EEA1: variants seen among roughly 807,000 people sequenced by gnomAD.
EEA1 encodes early endosome antigen 1, 162kD.
EEA1 carries 111 observed loss-of-function variants against 209.2 expected under a neutral mutation model. The observed-to-expected ratio is 0.53, with a 90% CI of 0.45 to 0.62. The LOEUF (loss-of-function observed/expected upper bound fraction) is 0.62, where lower values mean the gene tolerates loss of function less well. EEA1 is among the 20% of genes least tolerant of loss of function. EEA1 has a pLI of 0.00. For synonymous variants in EEA1, 536 were observed against 540.6 expected, an observed-to-expected ratio of 0.99 and a Z score of 0.12; for missense variants, 1,343 against 1,530.8, an observed-to-expected ratio of 0.88 and a Z score of 2.05.
intron 9 of EEA1, among the ~76,000 whole-genome samples, chr12:92,850,785 T>C (rs1388746344): frequency 2.6e-5 from 4 of 151,840 alleles, no homozygotes; most frequent in African/African-American, 9.7e-5. Flanking sequence ...AATATAATTG[T>C]AGAAAATGCT....
intron 3 of EEA1, among the ~76,000 whole-genome samples, chr12:92,864,123 T>C (rs1031178373): frequency 1.3e-5 from 2 of 152,214 alleles, no homozygotes; most frequent in African/African-American, 4.8e-5. Context: ...AAAATGGCCA[T>C]GTTTTATAGA....
chr12:92,871,680 G>A (rs1410165126), intron 2 of EEA1, among the ~76,000 whole-genome samples: 4 of 152,164 alleles, frequency 2.6e-5, no homozygotes, highest in Non-Finnish European at 5.9e-5. Context: ...TACAAAAGGT[G>A]AAAATCTATC....
intron 21 of EEA1, among the ~76,000 whole-genome samples, chr12:92,790,858 A>G (rs1874370426): frequency 6.6e-6 from 1 of 152,216 alleles, no homozygotes; most frequent in African/African-American, 2.4e-5. Context: ...AAAAAATGTT[A>G]AGGGCAGCCA....
At chr12:92,884,890 G>A (rs192184417) in intron 2 of EEA1, among the ~76,000 whole-genome samples, 140 of 151,456 alleles carry the variant, frequency 9.2e-4, no homozygotes, top group Non-Finnish European at 1.5e-3. Context: ...GTGACTAATT[G>A]TATAACAAGT....
intron 15 of EEA1, among the ~76,000 whole-genome samples, chr12:92,814,641 CCT>C (rs1351717364): frequency 6.6e-6 from 1 of 152,130 alleles, no homozygotes; most frequent in Non-Finnish European, 1.5e-5. Context: ...ATAGCCAGCC[CCT>C]CTGTTTGCCC....
intron 21 of EEA1, among the ~76,000 whole-genome samples, chr12:92,795,505 G>C (rs930290106): frequency 3.9e-5 from 6 of 152,186 alleles, no homozygotes; most frequent in African/African-American, 1.4e-4. Flanking sequence ...ACAAGTGATT[G>C]AATGACAAAT....
intron 22 of EEA1, 140 bp downstream of exon 22, chr12:92,787,727 A>G (rs1874194205): frequency 1.5e-6 from 1 of 662,574 alleles, no homozygotes; most frequent in Admixed American, 4.1e-5. Flanking sequence ...GCATGCTAAT[A>G]CAAAATAACA....
chr12:92,856,679 C>A (rs1032263787), intron 5 of EEA1, among the ~76,000 whole-genome samples: 5 of 151,040 alleles, frequency 3.3e-5, no homozygotes, highest in Admixed American at 2.6e-4. Context: ...ACTGTTTGAA[C>A]CTATTTTTTT....
chr12:92,853,867 T>G, intron 6 of EEA1, 48 bp downstream of exon 6: 4 of 1,543,304 alleles, frequency 2.6e-6, no homozygotes, highest in Non-Finnish European at 3.5e-6. Flanking sequence ...GGAAAACAAA[T>G]AAGAAGAAAA....
rs1319828827 is a variant in EEA1 at position 92,920,349 on chromosome 12, A to C, written c.24+8694T>G. Among the ~76,000 whole-genome samples the C allele has an allele frequency of 1.5e-3, 189 of 128,592 alleles. 1 individual carries two copies. Among genetic ancestry groups the C allele is most frequent in the Non-Finnish European group, 1.8e-3 (111 of 60,226 alleles). 84.4% of individuals were successfully genotyped at this position (128,592 alleles called of 152,430 possible). A position where few individuals can be genotyped will look rare whatever the true frequency, so the allele number is the denominator to read the frequency against. On this transcript the variant is annotated intron_variant, in intron 1 of 28. Transcript: ENST00000322349. ...ATCACACTATCTGACTTCAAACTTTACTACAAGGCTACAGTAACCAAAACA... is the reference window on the plus strand; with the variant it reads ...ATCACACTATCTGACTTCAAACTTTCCTACAAGGCTACAGTAACCAAAACA...
chr12:92,788,076 C>G, intron 21 of EEA1, 27 bp from the exon 22 acceptor site: 1 of 1,483,110 alleles, frequency 6.7e-7, no homozygotes, highest in Non-Finnish European at 8.9e-7. Context: ...TTATTTAAAA[C>G]AGTATGCATT....
chr12:92,879,513 G>A (rs1879049060), intron 2 of EEA1: 1 of 233,200 alleles, frequency 4.3e-6, no homozygotes, highest in Non-Finnish European at 8.7e-6. Context: ...AAAAGCATTT[G>A]GCAATATTCA....
chr12:92,881,374 A>G (rs1879134390), intron 2 of EEA1, among the ~76,000 whole-genome samples: 1 of 152,146 alleles, frequency 6.6e-6, no homozygotes, highest in East Asian at 1.9e-4. Flanking sequence ...ACACCACCAC[A>G]ATCAGCCTGG....
intron 18 of EEA1, among the ~76,000 whole-genome samples, chr12:92,803,250 T>C (rs900816925): frequency 6.6e-6 from 1 of 151,972 alleles, no homozygotes; most frequent in Non-Finnish European, 1.5e-5. Context: ...TTATTTACAA[T>C]ATAGAGGGAA....
At chr12:92,928,666 C>G (rs966025007) in intron 1 of EEA1, among the ~76,000 whole-genome samples, 1 of 152,168 alleles carries the variant, frequency 6.6e-6, no homozygotes, top group Non-Finnish European at 1.5e-5. Context: ...ATGGGGCGTT[C>G]TCCAGCCCGG....
intron 20 of EEA1, among the ~76,000 whole-genome samples, chr12:92,800,469 T>C (rs1365162461): frequency 2.0e-5 from 3 of 152,222 alleles, no homozygotes; most frequent in African/African-American, 7.2e-5. Context: ...TTCAAGCATT[T>C]GACCATATCC....
intron 2 of EEA1, among the ~76,000 whole-genome samples, chr12:92,882,905 T>A (rs1048375272): frequency 2.0e-5 from 3 of 152,214 alleles, no homozygotes; most frequent in Non-Finnish European, 2.9e-5. Context: ...GTCTTTTTGG[T>A]AGAACAGTTT....
intron 13 of EEA1, among the ~76,000 whole-genome samples, chr12:92,823,034 A>C (rs1158718703): frequency 6.6e-6 from 1 of 152,140 alleles, no homozygotes; most frequent in African/African-American, 2.4e-5. Context: ...TTACCTCCTA[A>C]GTATTTCTCA....
chr12:92,798,915 G>A lies in EEA1; in HGVS notation c.2944C>T (p.Leu982Phe). ...ACCTTCTGTAAAACAGCAATTTTAAGCTCTCCTTGGAGTGCTTCAATTTGT... is the reference window on the plus strand; with the variant it reads ...ACCTTCTGTAAAACAGCAATTTTAAACTCTCCTTGGAGTGCTTCAATTTGT... ...KKQIEALQGE[L>F]KIAVLQKTEL... is the part of the protein sequence containing the mutation. The change falls in exon 21 of 29, where the codon CTT (leucine) becomes TTT (phenylalanine). Residue 982 changes from leucine (L) to phenylalanine (F), a missense_variant. By Grantham distance (22) the Leu-to-Phe change is conservative. Coordinates refer to ENST00000322349, the MANE Select transcript of EEA1 (RefSeq NM_003566.4). 6.9e-6 allele frequency: 11 copies of A among 1,592,074 alleles called. No individual in the cohort carries two copies. The highest frequency in any genetic ancestry group is 9.4e-6 in the Non-Finnish European group (11 of 1,173,510).
Sources: allele counts gnomAD v4.1 joint callset (sites outside exome capture counted in the v4.1 genomes callset), GRCh38; gene constraint gnomAD v4.1.1; transcripts MANE v1.5; gene names NCBI Gene and HGNC (gene_info 2026-07-23, HGNC 2026-07-21).